Variants in CSMD2 observed in about 807,000 individuals in gnomAD.
CSMD2 encodes the protein CUB and Sushi multiple domains 2, also known as CUB and sushi domain-containing protein 2.
CSMD2 carries 130 observed loss-of-function variants against 398.5 expected under a neutral mutation model. The observed-to-expected ratio is 0.33, with a 90% CI of 0.28 to 0.38. The LOEUF is 0.38. CSMD2 is among the 10% of genes least tolerant of loss of function. CSMD2 has a pLI of 1.00. For missense variants in CSMD2, 3,829 were observed against 4,764.9 expected (o/e 0.80, Z 5.78); for synonymous variants, 1,828 against 1,908.5 (o/e 0.96, Z 1.10).
intron 25 of CSMD2, among the ~76,000 whole-genome samples, chr1:33,670,537 G>A (rs781073161): frequency 6.6e-6 from 1 of 151,470 alleles, no homozygotes; most frequent in African/African-American, 2.4e-5. Context: ...CTAGCCCCTC[G>A]GATCTTACAG....
At chr1:33,885,617 G>T (rs1016773059) in intron 5 of CSMD2, among the ~76,000 whole-genome samples, 6 of 152,130 alleles carry the variant, frequency 3.9e-5, no homozygotes, top group African/African-American at 2.4e-5. Context: ...TTCAAGGCAG[G>T]AATCTTGTGG....
At chr1:33,606,150 T>C (rs1414697324) in intron 41 of CSMD2, among the ~76,000 whole-genome samples, 5 of 152,132 alleles carry the variant, frequency 3.3e-5, no homozygotes, top group East Asian at 1.9e-4. Context: ...GGCCAGTCCA[T>C]TGGGGAGAGG....
intron 5 of CSMD2, chr1:33,884,819 T>C (rs903383719): frequency 2.6e-5 from 4 of 152,296 alleles, no homozygotes; most frequent in Non-Finnish European, 4.4e-5. Context: ...CTTCAGGTAC[T>C]TTCCCAGGCA....
chr1:33,657,478 AC>A (rs1285081523), intron 27 of CSMD2, among the ~76,000 whole-genome samples: 2 of 152,114 alleles, frequency 1.3e-5, no homozygotes, highest in African/African-American at 4.8e-5. Flanking sequence ...TATCTCTAAA[AC>A]CTAAAAGAAC....
chr1:33,573,046 AG>A (rs11356598), intron 49 of CSMD2, among the ~76,000 whole-genome samples: 94,597 of 151,584 alleles, frequency 0.62, 29,640 homozygotes, highest in Admixed American at 0.74. Flanking sequence ...TTTTCCACTG[AG>A]GGGGGATCTC....
chr1:33,856,962 T>C lies in CSMD2; in HGVS notation c.921-9966A>G, dbSNP rs564325014. On this transcript the variant is annotated intron_variant, in intron 5 of 70. Transcript: ENST00000373381. ...CCTCAAGACACGACATCTACAATTCTTGGCCCTGCCATATCTCTGTACAGC... is the reference window on the plus strand; with the variant it reads ...CCTCAAGACACGACATCTACAATTCCTGGCCCTGCCATATCTCTGTACAGC... 5.9e-5 allele frequency among the ~76,000 whole-genome samples: 9 copies of C among 152,150 alleles called. 1 individual carries two copies. In the South Asian group the frequency reaches 1.9e-3, roughly 32 times the overall value.
At chr1:34,089,727 T>C (rs1345354346) in intron 1 of CSMD2, among the ~76,000 whole-genome samples, 2 of 152,166 alleles carry the variant, frequency 1.3e-5, no homozygotes, top group African/African-American at 4.8e-5. Flanking sequence ...CTAAATGGAC[T>C]CTTGCCAAGA....
At position 33,559,381 on chromosome 1, in the gene CSMD2, G is replaced by A. The variant is rs1174808176; in HGVS notation, c.8473C>T (p.Pro2825Ser). The part of the protein sequence containing the change: ...LNDVVKFVCN[P>S]GYMAEGAARS... Reference sequence around the variant, plus strand: ...GCAGCCCCCTCAGCCATATACCCAGGGTTGCAAACAAACTTGACCACATCG... The same window carrying A: ...GCAGCCCCCTCAGCCATATACCCAGAGTTGCAAACAAACTTGACCACATCG... Residue 2825 changes from proline (P) to serine (S), a missense_variant, in exon 54 of 71, where the codon CCT (proline) becomes TCT (serine). Physicochemically the swap from Pro to Ser is moderately conservative, Grantham distance 74 (BLOSUM62 -1). Coordinates refer to ENST00000373381, the MANE Select transcript of CSMD2 (RefSeq NM_001281956.2). The surrounding 1 kb of genome is among the most constrained non-coding windows in gnomAD (Gnocchi z 4.0). The A allele has an allele frequency of 6.5e-7, 1 of 1,536,104 alleles. No homozygotes were observed. Among genetic ancestry groups the A allele is most frequent in the South Asian group, 1.2e-5 (1 of 84,062 alleles).
intron 5 of CSMD2, chr1:33,863,375 A>G (rs1324577893): frequency 6.6e-6 from 1 of 152,148 alleles, no homozygotes; most frequent in Non-Finnish European, 1.5e-5. Flanking sequence ...CTCACATGAG[A>G]GTGGGGAGGC....
chr1:33,624,428 G>T lies in CSMD2; in HGVS notation c.5625+91C>A. ...CCTGGCTCACCCTGACTCAGGCCTT[G>T]GCACCAGCCAGCACCTGTGGTTGTC... On this transcript the variant is annotated intron_variant, in intron 35 of 70. Transcript: ENST00000373381. This position sits in a 1 kb window ranked among gnomAD's most constrained non-coding sequence, Gnocchi z 4.7. The T allele has an allele frequency of 5.3e-6, 8 of 1,519,362 alleles. No homozygotes were observed. The highest frequency in any genetic ancestry group is 7.2e-6 in the Non-Finnish European group (8 of 1,118,620). 94.1% of individuals were successfully genotyped at this position (1,519,362 alleles called of 1,614,324 possible).
chr1:33,541,517 A>G (rs1418137478), intron 58 of CSMD2, among the ~76,000 whole-genome samples: 1 of 152,138 alleles, frequency 6.6e-6, no homozygotes. Context: ...CCCAGGCTGG[A>G]GTGCAGAGGC....
chr1:33,517,419 C>T (rs10798959), intron 70 of CSMD2, among the ~76,000 whole-genome samples: 42,557 of 152,148 alleles, frequency 0.28, 6,118 homozygotes, highest in East Asian at 0.4. Context: ...AGGTGTGGAG[C>T]AAGAGTGACT....
chr1:33,971,148 TC>T (rs1268317424), intron 3 of CSMD2, among the ~76,000 whole-genome samples: 1 of 152,192 alleles, frequency 6.6e-6, no homozygotes, highest in African/African-American at 2.4e-5. Flanking sequence ...TAACAGGATC[TC>T]CTTCAACGCT....
At chr1:34,162,536 G>C (rs982226505) in intron 1 of CSMD2, among the ~76,000 whole-genome samples, 3 of 152,122 alleles carry the variant, frequency 2.0e-5, no homozygotes, top group Admixed American at 2.0e-4. Flanking sequence ...AGGCCAAACA[G>C]CCCATCTAAA....
chr1:33,699,037 C>G (rs1331035779), intron 23 of CSMD2, 93 bp from the exon 24 acceptor site: 7 of 1,098,116 alleles, frequency 6.4e-6, no homozygotes, highest in Non-Finnish European at 9.1e-6. Context: ...CTCAAGGAAG[C>G]TGTCTCAGCC....
At position 33,901,418 on chromosome 1, in the gene CSMD2, G is replaced by A. The variant is rs184513944; in HGVS notation, c.920+16676C>T. ...TGCCAGGACTCTACTGAGCCCTGAGGATTCAGAGATGATGGGCCAAGTCCA... is the reference window on the plus strand; with the variant it reads ...TGCCAGGACTCTACTGAGCCCTGAGAATTCAGAGATGATGGGCCAAGTCCA... On this transcript the variant is annotated intron_variant, in intron 5 of 70. Coordinates refer to ENST00000373381, the MANE Select transcript of CSMD2 (RefSeq NM_001281956.2). Among the ~76,000 whole-genome samples the A allele has an allele frequency of 1.9e-3, 293 of 152,354 alleles. 1 individual carries two copies. Among genetic ancestry groups the A allele is most frequent in the African/African-American group, 6.5e-3 (272 of 41,576 alleles).
At chr1:33,971,309 T>C (rs1645754240) in intron 3 of CSMD2, among the ~76,000 whole-genome samples, 1 of 152,198 alleles carries the variant, frequency 6.6e-6, no homozygotes, top group Admixed American at 6.5e-5. Context: ...AAGTGTCTCA[T>C]GTGCATGGGT....
intron 2 of CSMD2, among the ~76,000 whole-genome samples, chr1:34,058,459 A>T (rs1654104596): frequency 6.6e-6 from 1 of 152,182 alleles, no homozygotes. Context: ...TTATGAAGAT[A>T]AATAAACCAA....
chr1:33,622,540 G>T (rs886881593), intron 36 of CSMD2, among the ~76,000 whole-genome samples: 1 of 152,156 alleles, frequency 6.6e-6, no homozygotes, highest in Non-Finnish European at 1.5e-5. Flanking sequence ...GATGAGTTGG[G>T]TCTCCTCATA....
Sources: allele counts gnomAD v4.1 joint callset (sites outside exome capture counted in the v4.1 genomes callset), GRCh38; gene constraint gnomAD v4.1.1; non-coding constraint Gnocchi (gnomAD v3.1); transcripts MANE v1.5; gene names NCBI Gene and HGNC (gene_info 2026-07-23, HGNC 2026-07-21).